Variants in RABGAP1L observed in about 807,000 individuals in gnomAD.
RABGAP1L encodes the protein RAB GTPase activating protein 1 like, also known as rab GTPase-activating protein 1-like.
RABGAP1L carries 63 observed loss-of-function variants against 137.7 expected under a neutral mutation model. The observed-to-expected ratio is 0.46, with a 90% CI of 0.37 to 0.56. The LOEUF (loss-of-function observed/expected upper bound fraction) is 0.56, where lower values mean the gene tolerates loss of function less well. Among genes scored for constraint, RABGAP1L ranks in the 20% least tolerant of loss-of-function variants. RABGAP1L has a pLI of 0.00. For synonymous variants in RABGAP1L, 431 were observed against 433.7 expected, an observed-to-expected ratio of 0.99 and a Z score of 0.08; for missense variants, 1,095 against 1,244.0, an observed-to-expected ratio of 0.88 and a Z score of 1.80.
At chr1:174,291,780 C>G (rs992095854) in intron 10 of RABGAP1L, among the ~76,000 whole-genome samples, 8 of 151,912 alleles carry the variant, frequency 5.3e-5, no homozygotes, top group Admixed American at 3.9e-4. Context: ...TTTGTAGGAT[C>G]TTCCTTTATT....
At chr1:174,189,639 A>C (rs1445201855) in intron 1 of RABGAP1L, among the ~76,000 whole-genome samples, 1 of 152,122 alleles carries the variant, frequency 6.6e-6, no homozygotes. Context: ...GTGTTAGTGG[A>C]TTATCATGGG....
At chr1:174,474,954 T>C (rs1010089897) in intron 13 of RABGAP1L, among the ~76,000 whole-genome samples, 2 of 152,134 alleles carry the variant, frequency 1.3e-5, no homozygotes, top group Admixed American at 1.3e-4. Flanking sequence ...ATCTGCCTTA[T>C]GATAAATAAA....
chr1:174,704,806 A>C (rs1318501497), intron 17 of RABGAP1L, among the ~76,000 whole-genome samples: 1 of 152,236 alleles, frequency 6.6e-6, no homozygotes, highest in Non-Finnish European at 1.5e-5. Flanking sequence ...CTACCTGATT[A>C]TCCAAATTGG....
chr1:174,428,238 A>C (rs1243569295), intron 13 of RABGAP1L, among the ~76,000 whole-genome samples: 1 of 152,190 alleles, frequency 6.6e-6, no homozygotes, highest in Admixed American at 6.5e-5. Context: ...AGTACGTATG[A>C]TTGAAGCACT....
intron 13 of RABGAP1L, among the ~76,000 whole-genome samples, chr1:174,587,159 T>A (rs895598026): frequency 6.6e-6 from 1 of 151,196 alleles, no homozygotes; most frequent in Non-Finnish European, 1.5e-5. Flanking sequence ...TGTTGGACAT[T>A]TGGGTTGGTT....
rs1051742783 is a variant in RABGAP1L at position 174,993,805 on chromosome 1, T to C, written c.*3804T>C. On this transcript the variant is annotated 3_prime_UTR_variant, in exon 26 of 26. Coordinates refer to ENST00000681986, the MANE Select transcript of RABGAP1L (RefSeq NM_001366446.1). ...TACTTGATTAGCAAGATGATTATAT[T>C]ATATAACTTGCCCTTAAAAACACTC... is the stretch of plus-strand genomic sequence containing the variant. 8.5e-5 allele frequency: 13 copies of C among 152,362 alleles called. No homozygotes were observed. In the East Asian group the frequency reaches 1.3e-3, roughly 16 times the overall value. The allele number at this position is 152,362 out of a possible 1,614,324, so 9.4% of individuals were successfully genotyped here.
chr1:174,336,913 A>C lies in RABGAP1L; in HGVS notation c.1465+31786A>C, dbSNP rs556107462. 1.6e-4 allele frequency among the ~76,000 whole-genome samples: 24 copies of C among 148,576 alleles called. No individual in the cohort carries two copies. In the South Asian group the frequency reaches 4.9e-3, roughly 31 times the overall value. On this transcript the variant is annotated intron_variant, in intron 11 of 25. Transcript: ENST00000681986. ...AGAGAGAGAGAAAGAGAGAGAAAGA[A>C]TGGAGGAGGAAGGACTTTAAAGTAT...
intron 21 of RABGAP1L, among the ~76,000 whole-genome samples, chr1:174,972,018 T>C (rs1670175173): frequency 6.6e-6 from 1 of 152,264 alleles, no homozygotes; most frequent in Admixed American, 6.5e-5. Context: ...CTTTTCCCTC[T>C]GGCAGAGCCT....
At chr1:174,566,924 G>A (rs1163066045) in intron 13 of RABGAP1L, among the ~76,000 whole-genome samples, 4 of 152,032 alleles carry the variant, frequency 2.6e-5, no homozygotes. Flanking sequence ...AGCTTCATCA[G>A]CCTTCAAGAG....
intron 1 of RABGAP1L, among the ~76,000 whole-genome samples, chr1:174,192,323 T>C (rs560050637): frequency 6.7e-6 from 1 of 149,276 alleles, no homozygotes; most frequent in Admixed American, 6.7e-5. Context: ...GAGGTGTTTT[T>C]TTTTTTTTTT....
chr1:174,748,251 G>A (rs1286446461), intron 17 of RABGAP1L, among the ~76,000 whole-genome samples: 2 of 152,118 alleles, frequency 1.3e-5, no homozygotes, highest in Non-Finnish European at 2.9e-5. Flanking sequence ...TGGTCTAGTT[G>A]GGTCCACAGG....
intron 19 of RABGAP1L, among the ~76,000 whole-genome samples, chr1:174,923,427 T>G (rs1662154244): frequency 6.6e-6 from 1 of 152,166 alleles, no homozygotes; most frequent in African/African-American, 2.4e-5. Context: ...ATTACCATTT[T>G]TCAAAAACAA....
chr1:174,741,291 G>T (rs1227244188), intron 17 of RABGAP1L, among the ~76,000 whole-genome samples: 1 of 151,964 alleles, frequency 6.6e-6, no homozygotes, highest in Non-Finnish European at 1.5e-5. Context: ...ACATTCTTCT[G>T]CATGGCTATA....
intron 12 of RABGAP1L, among the ~76,000 whole-genome samples, chr1:174,372,258 G>A (rs1329730736): frequency 2.6e-5 from 4 of 151,810 alleles, no homozygotes; most frequent in African/African-American, 7.3e-5. Context: ...CACCTCTAAA[G>A]GAATGCAGTC....
intron 19 of RABGAP1L, among the ~76,000 whole-genome samples, chr1:174,931,076 A>G (rs1340555284): frequency 6.6e-6 from 1 of 152,200 alleles, no homozygotes; most frequent in Non-Finnish European, 1.5e-5. Flanking sequence ...CTCTTTTAAA[A>G]CAGAGTAACA....
At chr1:174,849,048 C>A (rs947077273) in intron 19 of RABGAP1L, among the ~76,000 whole-genome samples, 4 of 152,332 alleles carry the variant, frequency 2.6e-5, no homozygotes, top group African/African-American at 4.8e-5. Flanking sequence ...TGACCCCTTG[C>A]GCTTCCCAGG....
At chr1:174,188,474 T>C (rs1318404025) in intron 1 of RABGAP1L, among the ~76,000 whole-genome samples, 3 of 152,206 alleles carry the variant, frequency 2.0e-5, no homozygotes, top group Non-Finnish European at 2.9e-5. Context: ...AATAATGTGA[T>C]ACGATAAATG....
At chr1:174,180,619 C>T (rs1666276085) in intron 1 of RABGAP1L, among the ~76,000 whole-genome samples, 1 of 152,056 alleles carries the variant, frequency 6.6e-6, no homozygotes, top group African/African-American at 2.4e-5. Context: ...CATATGCCAC[C>T]ACGCCTGGCT....
intron 14 of RABGAP1L, among the ~76,000 whole-genome samples, chr1:174,643,931 GTGTGTGTGTGTATGTA>G (rs1674735335): frequency 1.5e-5 from 2 of 134,258 alleles, no homozygotes; most frequent in Admixed American, 1.4e-4. Context: ...GTGTGTGTGT[GTGTGTGTGTGTATGTA>G]TGTATGTATG....
Sources: allele counts gnomAD v4.1 joint callset (sites outside exome capture counted in the v4.1 genomes callset), GRCh38; gene constraint gnomAD v4.1.1; transcripts MANE v1.5; gene names NCBI Gene and HGNC (gene_info 2026-07-23, HGNC 2026-07-21).